The following ZNF83 variants were observed in gnomAD, a reference collection of about 807,000 sequenced individuals.
ZNF83 encodes zinc finger protein 816B.
For synonymous variants in ZNF83, 209 were observed against 213.0 expected (o/e 0.98, Z 0.17); for missense variants, 552 against 629.9 (o/e 0.88, Z 1.32).
chr19:52,656,484 C>T (rs2061506605), intron 2 of ZNF83, among the ~76,000 whole-genome samples: 1 of 152,004 alleles, frequency 6.6e-6, no homozygotes, highest in Non-Finnish European at 1.5e-5. Context: ...GAGATGACAG[C>T]ACTGCACTCC....
At chr19:52,613,036 T>C (rs1338275510) in exon 3 of ZNF83, 4 of 1,601,874 alleles carry the variant, frequency 2.5e-6, no homozygotes, top group East Asian at 4.5e-5. Context: ...GTTAGATTTC[T>C]TTCCGGCATG....
chr19:52,682,767 G>A (rs1212942734), intron 1 of ZNF83, among the ~76,000 whole-genome samples: 1 of 152,174 alleles, frequency 6.6e-6, no homozygotes, highest in Non-Finnish European at 1.5e-5. Flanking sequence ...CTCTTTGGGA[G>A]GCTAAAATGG....
chr19:52,642,455 A>G (rs1242010084), upstream of ZNF83, among the ~76,000 whole-genome samples: 2 of 151,462 alleles, frequency 1.3e-5, no homozygotes, highest in African/African-American at 2.4e-5. Flanking sequence ...TTTAGTAAAG[A>G]CCGGGTATCT....
exon 3 of ZNF83, chr19:52,613,449 AG>A: frequency 6.2e-7 from 1 of 1,614,060 alleles, no homozygotes; most frequent in Non-Finnish European, 8.5e-7. Flanking sequence ...CACACTTATA[AG>A]GTTTCTCACC....
chr19:52,648,311 A>G (rs1431666092), intron 3 of ZNF83, among the ~76,000 whole-genome samples: 1 of 152,102 alleles, frequency 6.6e-6, no homozygotes, highest in Non-Finnish European at 1.5e-5. Context: ...GAATTGTGGT[A>G]AAGGTTAAAA....
chr19:52,623,504 A>G lies in ZNF83; in HGVS notation c.-233-8707T>C, dbSNP rs555259352. Among the ~76,000 whole-genome samples, 6 of 152,196 alleles carry G rather than the reference A, an allele frequency of 3.9e-5. No individual in the cohort carries two copies. The South Asian group carries it at 1.2e-3, about 32-fold the overall frequency. On this transcript the variant is annotated intron_variant, in intron 2 of 2. Coordinates refer to ENST00000301096, the Ensembl canonical transcript of ZNF83. Reference sequence around the variant, plus strand: ...TTATCCCCACCTGCCCAGTTCCCTTATTAGGCTGAGACATTTTAACCAAAT... The same window carrying G: ...TTATCCCCACCTGCCCAGTTCCCTTGTTAGGCTGAGACATTTTAACCAAAT...
chr19:52,652,538 T>G (rs1408832995), intron 3 of ZNF83: 1 of 450,890 alleles, frequency 2.2e-6, no homozygotes, highest in African/African-American at 2.0e-5. Flanking sequence ...CTGAAGACCT[T>G]GCTGCAATCA....
chr19:52,639,604 A>G (rs1175257494), upstream of ZNF83, among the ~76,000 whole-genome samples: 2 of 151,442 alleles, frequency 1.3e-5, no homozygotes, highest in Admixed American at 6.6e-5. Context: ...TTTCGATACA[A>G]ACGAGGTTTC....
chr19:52,683,852 A>G lies in ZNF83; in HGVS notation c.-283+6591T>C, dbSNP rs140282528. 1.4e-3 allele frequency among the ~76,000 whole-genome samples: 216 copies of G among 152,302 alleles called. 1 individual carries two copies. Among genetic ancestry groups the G allele is most frequent in the African/African-American group, 4.8e-3 (201 of 41,570 alleles). ...CTCAGCATCTAAACTGCAACCCCAG[A>G]GTAGGTGCTGCTGTTGTCCTGTGGC... On this transcript the variant is annotated intron_variant, in intron 1 of 5. Transcript: ENST00000594682.
chr19:52,684,590 A>G (rs1468817293), intron 1 of ZNF83, among the ~76,000 whole-genome samples: 1 of 150,462 alleles, frequency 6.6e-6, no homozygotes, highest in African/African-American at 2.4e-5. Context: ...AGTGCTTCTG[A>G]TATGATTGAT....
chr19:52,632,271 G>A (rs1401994329), intron 2 of ZNF83, among the ~76,000 whole-genome samples: 2 of 152,066 alleles, frequency 1.3e-5, no homozygotes, highest in African/African-American at 2.4e-5. Flanking sequence ...AAAGTAGAAC[G>A]GACTAAAAGT....
At chr19:52,641,657 T>G (rs955007657), upstream of ZNF83, among the ~76,000 whole-genome samples, 4 of 152,192 alleles carry the variant, frequency 2.6e-5, no homozygotes, top group Admixed American at 6.5e-5. Flanking sequence ...CTCGATCATT[T>G]TGGAACTGAT....
intron 3 of ZNF83, chr19:52,655,378 C>G: frequency 1.8e-6 from 1 of 571,264 alleles, no homozygotes; most frequent in East Asian, 3.1e-5. Context: ...TTATGTAAAA[C>G]CACTCCATAG....
At chr19:52,679,998 G>A (rs2061880997) in intron 1 of ZNF83, among the ~76,000 whole-genome samples, 1 of 152,076 alleles carries the variant, frequency 6.6e-6, no homozygotes, top group Non-Finnish European at 1.5e-5. Flanking sequence ...TGACCAACAT[G>A]GAGAAGTCCT....
rs112522632 is a variant in ZNF83, at chr19:52,656,864, C to CA, written c.-200-1178dup. 3.2e-3 allele frequency among the ~76,000 whole-genome samples: 435 copies of CA among 136,544 alleles called. 11 individuals carry two copies. The highest frequency in any genetic ancestry group is 7.7e-3 in the South Asian group (30 of 3,888). 89.6% of individuals were successfully genotyped at this position (136,544 alleles called of 152,430 possible). A position where few individuals can be genotyped will look rare whatever the true frequency, so the allele number is the denominator to read the frequency against. On this transcript the variant is annotated intron_variant, in intron 2 of 5. Transcript: ENST00000594682. ...CTATCGACAGAGCGAGACTCCGTCT[C>CA]AAAAAAAAAAAAAAAAAAAAAATCA...
At chr19:52,683,228 CTGTG>C (rs67463602) in intron 1 of ZNF83, among the ~76,000 whole-genome samples, 2,997 of 127,822 alleles carry the variant, frequency 0.023, 68 homozygotes, top group African/African-American at 0.056. Context: ...CCCTGTGACT[CTGTG>C]TGTGTGTGTG....
At chr19:52,655,789 G>A (rs2061496598) in intron 2 of ZNF83, 2 of 597,922 alleles carry the variant, frequency 3.3e-6, no homozygotes, top group Admixed American at 2.7e-5. Flanking sequence ...CCAAGACGGT[G>A]TTCTGACAAA....
At chr19:52,659,384 G>C (rs557869837) in intron 2 of ZNF83, among the ~76,000 whole-genome samples, 1 of 152,270 alleles carries the variant, frequency 6.6e-6, no homozygotes, top group Admixed American at 6.5e-5. Context: ...TCAAGCTAAG[G>C]TTTCATCACG....
intron 1 of ZNF83, among the ~76,000 whole-genome samples, chr19:52,686,098 G>A (rs1871198): frequency 0.69 from 105,443 of 151,784 alleles, 38,142 homozygotes; most frequent in African/African-American, 0.91. Flanking sequence ...TGGTTAAACT[G>A]CATTTTGATG....
Sources: gnomAD v4.1 joint callset for allele counts (sites outside exome capture counted in the v4.1 genomes callset) on GRCh38, gnomAD v4.1.1 for gene constraint, MANE v1.5 for transcripts, NCBI Gene and HGNC (gene_info 2026-07-23, HGNC 2026-07-21) for gene names.